The following CFI variants were observed in gnomAD, a reference collection of about 807,000 sequenced individuals.
The protein encoded by CFI is complement factor I.
A neutral mutation model predicts 78.8 loss-of-function variants in CFI; 66 were observed. The ratio of observed to expected loss-of-function variants is 0.84; its 90% confidence interval spans 0.69 to 1.03. CFI has a LOEUF of 1.03. CFI is among the 50% of genes least tolerant of loss of function. The pLI is 0.00. For missense variants in CFI, 706 were observed against 704.5 expected (o/e 1.00, Z -0.02); for synonymous variants, 250 against 232.6 (o/e 1.07, Z -0.68).
At chr4:109,760,444 A>T in intron 5 of CFI, 64 bp from the exon 6 acceptor site, 1 of 1,503,486 alleles carries the variant, frequency 6.7e-7, no homozygotes, top group Non-Finnish European at 9.3e-7. Context: ...TACAATATAA[A>T]ATTCAATAGT....
chr4:109,798,693 T>G (rs1413782289), intron 1 of CFI, among the ~76,000 whole-genome samples: 1 of 151,888 alleles, frequency 6.6e-6, no homozygotes, highest in East Asian at 1.9e-4. Flanking sequence ...ACTCTTGAAA[T>G]CAGACTCTTC....
At chr4:109,742,746 T>C (rs563874139) in intron 11 of CFI, 151 bp from the exon 12 acceptor site, 1 of 620,552 alleles carries the variant, frequency 1.6e-6, no homozygotes, top group East Asian at 2.8e-5. Context: ...TGTTTAATCA[T>C]ATCATATGTC....
rs184204415 is a variant in CFI, at chr4:109,754,217, C to T, written c.905-1714G>A. On this transcript the variant is annotated intron_variant, in intron 7 of 12. Coordinates refer to ENST00000394634, the MANE Select transcript of CFI (RefSeq NM_000204.5). The stretch of plus-strand genomic sequence containing the variant: ...CAGGCTGGTCTTGAACTCCTGACCT[C>T]GTGATCCACCCGCCTTGGCCTCCCA... Among the ~76,000 whole-genome samples, 1,293 of 151,186 alleles carry T rather than the reference C, an allele frequency of 8.6e-3. 18 individuals are homozygous for T. Among genetic ancestry groups the T allele is most frequent in the African/African-American group, 0.029 (1,207 of 41,322 alleles).
At chr4:109,787,644 A>C (rs2125857910) in intron 1 of CFI, among the ~76,000 whole-genome samples, 1 of 151,744 alleles carries the variant, frequency 6.6e-6, no homozygotes, top group African/African-American at 2.4e-5. Flanking sequence ...TTCCAGAATC[A>C]GAATGTTGTT....
chr4:109,753,465 TTA>T (rs1561293538), intron 7 of CFI, among the ~76,000 whole-genome samples: 4 of 88,244 alleles, frequency 4.5e-5, no homozygotes, highest in African/African-American at 1.5e-4. Flanking sequence ...ATATATATAT[TTA>T]TATTAATAAA....
intron 6 of CFI, chr4:109,758,024 C>A: frequency 2.5e-6 from 3 of 1,208,520 alleles, no homozygotes; most frequent in East Asian, 2.6e-5. Flanking sequence ...AAAATATGCA[C>A]AAATTATTAA....
At chr4:109,766,888 A>T (rs897955059) in intron 1 of CFI, 64 bp from the exon 2 acceptor site, 1 of 1,555,342 alleles carries the variant, frequency 6.4e-7, no homozygotes, top group African/African-American at 1.4e-5. Flanking sequence ...GAAGATGAGT[A>T]AGTGAAGGAA....
intron 12 of CFI, chr4:109,741,458 G>T: frequency 3.7e-6 from 2 of 540,298 alleles, no homozygotes; most frequent in Non-Finnish European, 4.7e-6. Flanking sequence ...ATATTTATTA[G>T]TCATTCATTG....
Position 109,776,019 on chromosome 4 carries a change from A to G in CFI, c.58-9195T>C, listed in dbSNP as rs547550933. 5.6e-4 allele frequency among the ~76,000 whole-genome samples: 85 copies of G among 152,298 alleles called. 1 individual carries two copies. Among genetic ancestry groups the G allele is most frequent in the African/African-American group, 2.0e-3 (83 of 41,572 alleles). ...TCAAAGACCAAAGGCAGATAAAACCACAAAGATGGGGAGAAACCAGAGAAG... is the reference window on the plus strand; with the variant it reads ...TCAAAGACCAAAGGCAGATAAAACCGCAAAGATGGGGAGAAACCAGAGAAG... On this transcript the variant is annotated intron_variant, in intron 1 of 12. Coordinates refer to ENST00000394634, the MANE Select transcript of CFI (RefSeq NM_000204.5).
chr4:109,760,031 T>C (rs532299070), intron 6 of CFI: 85 of 661,806 alleles, frequency 1.3e-4, no homozygotes, highest in Non-Finnish European at 2.2e-4. Context: ...GTTCTAATGG[T>C]CTATTTTTTG....
At chr4:109,754,287 A>G (rs1156441641) in intron 7 of CFI, among the ~76,000 whole-genome samples, 3 of 151,696 alleles carry the variant, frequency 2.0e-5, no homozygotes, top group Non-Finnish European at 4.4e-5. Flanking sequence ...TGGCCTCCCA[A>G]GGTGTTAACA....
At chr4:109,775,652 G>C (rs558468685) in intron 1 of CFI, among the ~76,000 whole-genome samples, 1 of 152,162 alleles carries the variant, frequency 6.6e-6, no homozygotes, top group Non-Finnish European at 1.5e-5. Context: ...AGAGAGTAGT[G>C]GTTCTCCCAG....
At chr4:109,765,889 C>A (rs892260612) in intron 2 of CFI, among the ~76,000 whole-genome samples, 5 of 151,984 alleles carry the variant, frequency 3.3e-5, no homozygotes, top group African/African-American at 1.2e-4. Flanking sequence ...GAGGCCGAGG[C>A]GGGCGGATCA....
chr4:109,734,820 A>G, the CFI span, among the ~76,000 whole-genome samples: 1 of 152,176 alleles, frequency 6.6e-6, no homozygotes, highest in Admixed American at 6.5e-5. Context: ...AAGAAAAGAA[A>G]AGAAATGCAA....
intron 7 of CFI, among the ~76,000 whole-genome samples, chr4:109,756,955 AAGAAAGAAAG>A (rs1726353466): frequency 6.9e-6 from 1 of 144,618 alleles, no homozygotes; most frequent in African/African-American, 2.6e-5. Flanking sequence ...GAAAGAAAGA[AAGAAAGAAAG>A]AAAGAAAGAA....
chr4:109,748,696 C>T (rs6533453), intron 10 of CFI, among the ~76,000 whole-genome samples: 110,879 of 151,968 alleles, frequency 0.73, 40,673 homozygotes, highest in East Asian at 0.87. Flanking sequence ...GAACAGGGAG[C>T]AGGAGGTGGC....
chr4:109,747,823 G>A (rs564935657), intron 10 of CFI, among the ~76,000 whole-genome samples: 6 of 152,162 alleles, frequency 3.9e-5, no homozygotes, highest in African/African-American at 9.6e-5. Context: ...CGGATGAAAC[G>A]CTTTCACTTC....
intron 10 of CFI, among the ~76,000 whole-genome samples, chr4:109,748,040 G>C (rs1724694470): frequency 6.6e-6 from 1 of 152,158 alleles, no homozygotes; most frequent in Non-Finnish European, 1.5e-5. Flanking sequence ...CAGGGGTAGA[G>C]TATCCCTGAT....
chr4:109,741,524 A>G (rs1187035420), intron 12 of CFI: 1 of 212,104 alleles, frequency 4.7e-6, no homozygotes, highest in East Asian at 1.8e-4. Flanking sequence ...CCTATTTTAT[A>G]CATAAGACAA....
Sources: allele counts gnomAD v4.1 joint callset (sites outside exome capture counted in the v4.1 genomes callset), GRCh38; gene constraint gnomAD v4.1.1; transcripts MANE v1.5; gene names NCBI Gene and HGNC (gene_info 2026-07-23, HGNC 2026-07-21).